The following GPATCH2L variants were observed in gnomAD, a reference collection of about 807,000 sequenced individuals.
The protein encoded by GPATCH2L is G-patch domain containing 2 like.
GPATCH2L carries 31 observed loss-of-function variants against 57.4 expected under a neutral mutation model. The observed-to-expected ratio is 0.54, with a 90% CI of 0.41 to 0.73. The LOEUF (loss-of-function observed/expected upper bound fraction) is 0.73. Among genes scored for constraint, GPATCH2L ranks in the 30% least tolerant of loss-of-function variants. GPATCH2L has a pLI of 0.00. For missense variants in GPATCH2L, 481 were observed against 599.9 expected (o/e 0.80, Z 2.07); for synonymous variants, 199 against 210.7 (o/e 0.94, Z 0.48).
chr14:76,178,866 G>C (rs2039449494), intron 7 of GPATCH2L: 1 of 152,270 alleles, frequency 6.6e-6, no homozygotes. Flanking sequence ...CCCCCTGAGG[G>C]GCCCCTTGGC....
At chr14:76,180,695 T>C in intron 7 of GPATCH2L, 69 bp from the exon 8 acceptor site, 1 of 961,318 alleles carries the variant, frequency 1.0e-6, no homozygotes, top group Non-Finnish European at 1.7e-6. Context: ...TAATCAAATG[T>C]AGGTTACCCT....
rs373952133 is a variant in GPATCH2L at position 76,204,956 on chromosome 14, T to TTTGTTGTTGTTG, written c.*3120_*3131dup. On this transcript the variant is annotated 3_prime_UTR_variant, in exon 10 of 10. Coordinates refer to ENST00000261530, the MANE Select transcript of GPATCH2L (RefSeq NM_017926.4). The stretch of plus-strand genomic sequence containing the variant: ...AAGGAACAAAACTCCTGTGTTGCCT[T>TTTGTTGTTGTTG]TTGTTGTTGTTGTTGTTGTTGTTGT... The TTTGTTGTTGTTG allele has an allele frequency of 4.6e-5, 7 of 151,840 alleles. No homozygotes were observed. The highest frequency in any genetic ancestry group is 7.4e-5 in the Non-Finnish European group (5 of 67,926). The allele number at this position is 151,840 out of a possible 1,614,324, so 9.4% of individuals were successfully genotyped here. A position where few individuals can be genotyped will look rare whatever the true frequency, so the allele number is the denominator to read the frequency against.
rs907070693 is a variant in GPATCH2L at position 76,204,737 on chromosome 14, A to C, written c.*2886A>C. Reference sequence around the variant, plus strand: ...AGTAATAACTAAAGCTGAGTTAAACAGTTGTTATTTATTTCAGGGTTCTGA... The same window carrying C: ...AGTAATAACTAAAGCTGAGTTAAACCGTTGTTATTTATTTCAGGGTTCTGA... On this transcript the variant is annotated 3_prime_UTR_variant, in exon 10 of 10. Transcript: ENST00000261530. 1 of 152,206 alleles carries C rather than the reference A, an allele frequency of 6.6e-6. No homozygotes were observed. Among genetic ancestry groups the C allele is most frequent in the African/African-American group, 2.4e-5 (1 of 41,446 alleles). The allele number at this position is 152,206 out of a possible 1,614,324, so 9.4% of individuals were successfully genotyped here.
intron 8 of GPATCH2L, 136 bp from the exon 9 acceptor site, chr14:76,195,742 C>A: frequency 1.5e-6 from 1 of 684,512 alleles, no homozygotes; most frequent in Non-Finnish European, 2.6e-6. Flanking sequence ...AATGTTGTCC[C>A]AATGCTTAAT....
chr14:76,198,509 T>TAAACAC (rs2040223488), intron 9 of GPATCH2L, among the ~76,000 whole-genome samples: 1 of 152,214 alleles, frequency 6.6e-6, no homozygotes, highest in African/African-American at 2.4e-5. Context: ...CTTTAAAAAG[T>TAAACAC]AAACACATGC....
chr14:76,167,341 G>A (rs1300098402), intron 3 of GPATCH2L, among the ~76,000 whole-genome samples: 1 of 152,138 alleles, frequency 6.6e-6, no homozygotes, highest in Non-Finnish European at 1.5e-5. Flanking sequence ...CTCTAGACTT[G>A]TGTGGGGCCA....
At chr14:76,186,112 A>G (rs112263699) in intron 8 of GPATCH2L, among the ~76,000 whole-genome samples, 1 of 152,154 alleles carries the variant, frequency 6.6e-6, no homozygotes. Flanking sequence ...GCCCTACCCC[A>G]TCCTTAGGAT....
intron 8 of GPATCH2L, among the ~76,000 whole-genome samples, chr14:76,187,431 T>C (rs1050098515): frequency 2.6e-5 from 4 of 151,986 alleles, no homozygotes; most frequent in Non-Finnish European, 5.9e-5. Flanking sequence ...ATAATTGAGG[T>C]GAATAGATTA....
chr14:76,221,667 C>T (rs72729609), intron 1 of GPATCH2L, among the ~76,000 whole-genome samples: 2,688 of 152,208 alleles, frequency 0.018, 62 homozygotes, highest in East Asian at 0.13. Context: ...ATGATCTATC[C>T]AGCCATGAAA....
At chr14:76,165,175 G>T (rs2038771232) in intron 2 of GPATCH2L, among the ~76,000 whole-genome samples, 1 of 152,104 alleles carries the variant, frequency 6.6e-6, no homozygotes, top group Admixed American at 6.5e-5. Context: ...GCACATAAGA[G>T]AATAAAATGA....
At chr14:76,164,361 C>CA (rs2038734272) in intron 2 of GPATCH2L, among the ~76,000 whole-genome samples, 1 of 152,176 alleles carries the variant, frequency 6.6e-6, no homozygotes, top group Non-Finnish European at 1.5e-5. Context: ...GGCCTCCACT[C>CA]ACTAAATATC....
At chr14:76,173,769 GA>G (rs1566788522) in intron 5 of GPATCH2L, 144 bp downstream of exon 5, 1 of 606,124 alleles carries the variant, frequency 1.6e-6, no homozygotes, top group African/African-American at 1.8e-5. Flanking sequence ...TTACAAGAGT[GA>G]ACATTATGTA....
At chr14:76,196,443 T>G (rs1473972594) in intron 9 of GPATCH2L, 3 of 196,616 alleles carry the variant, frequency 1.5e-5, no homozygotes, top group African/African-American at 2.4e-5. Flanking sequence ...TTCAGTTTTT[T>G]TTTTTTTTTT....
chr14:76,152,939 CT>C (rs149540881), intron 1 of GPATCH2L: 282 of 313,790 alleles, frequency 9.0e-4, no homozygotes, highest in South Asian at 1.6e-3. Context: ...TTTTAATCCA[CT>C]TTTTTTTTTC....
chr14:76,232,734 T>G (rs972844554), intron 2 of GPATCH2L, among the ~76,000 whole-genome samples: 12 of 152,204 alleles, frequency 7.9e-5, no homozygotes, highest in African/African-American at 2.9e-4. Context: ...GAGTTTCCAG[T>G]TTTCCTTTAC....
At chr14:76,195,052 A>G (rs534989852) in intron 8 of GPATCH2L, among the ~76,000 whole-genome samples, 1 of 152,330 alleles carries the variant, frequency 6.6e-6, no homozygotes, top group South Asian at 2.1e-4. Context: ...ATGGTAGATG[A>G]GGCCCCAAAT....
At chr14:76,199,528 G>A (rs1345899951) in intron 9 of GPATCH2L, among the ~76,000 whole-genome samples, 1 of 152,096 alleles carries the variant, frequency 6.6e-6, no homozygotes, top group Admixed American at 6.5e-5. Context: ...TGTTCTTGAT[G>A]AACATTTGGA....
At chr14:76,225,257 AG>A (rs1299469454) in intron 1 of GPATCH2L, among the ~76,000 whole-genome samples, 1 of 152,222 alleles carries the variant, frequency 6.6e-6, no homozygotes, top group Non-Finnish European at 1.5e-5. Context: ...TATTGGTGCA[AG>A]AATAAACAAA....
chr14:76,164,183 T>G (rs969652513), intron 2 of GPATCH2L, among the ~76,000 whole-genome samples: 49 of 152,172 alleles, frequency 3.2e-4, no homozygotes, highest in Non-Finnish European at 6.9e-4. Context: ...CAGGCTCCTC[T>G]CTTCTCAAGT....
Sources: allele counts gnomAD v4.1 joint callset (sites outside exome capture counted in the v4.1 genomes callset), GRCh38; gene constraint gnomAD v4.1.1; transcripts MANE v1.5; gene names NCBI Gene and HGNC (gene_info 2026-07-23, HGNC 2026-07-21).